Variants in CDH13 observed in about 807,000 individuals in gnomAD.
The protein encoded by CDH13 is cadherin 13.
In CDH13, 24 loss-of-function variants were observed where a neutral mutation model predicts 63.8. That is an observed-to-expected ratio of 0.38 (90% CI 0.27 to 0.53). The LOEUF (loss-of-function observed/expected upper bound fraction) is 0.53. Among genes scored for constraint, CDH13 ranks in the 20% least tolerant of loss-of-function variants. CDH13 has a pLI of 0.85. For missense variants in CDH13, 1,049 were observed against 903.1 expected, an observed-to-expected ratio of 1.16 and a Z score of -2.07; for synonymous variants, 503 against 355.3, an observed-to-expected ratio of 1.42 and a Z score of -4.67.
chr16:83,512,224 G>T (rs1022003790), intron 7 of CDH13, among the ~76,000 whole-genome samples: 16 of 151,238 alleles, frequency 1.1e-4, no homozygotes, highest in Admixed American at 4.0e-4. Flanking sequence ...GGGAGTTTGA[G>T]GCAGGAGAAT....
At chr16:82,757,615 AGC>A (rs2034661824) in intron 1 of CDH13, among the ~76,000 whole-genome samples, 2 of 95,532 alleles carry the variant, frequency 2.1e-5, no homozygotes, top group Admixed American at 1.4e-4. Flanking sequence ...TGCAAATGCA[AGC>A]TTTGGTAATA....
At chr16:83,532,505 C>G (rs1045412743) in intron 7 of CDH13, among the ~76,000 whole-genome samples, 2 of 152,172 alleles carry the variant, frequency 1.3e-5, no homozygotes, top group African/African-American at 2.4e-5. Flanking sequence ...TCCTAGAAGC[C>G]ACATGCGGGC....
intron 2 of CDH13, among the ~76,000 whole-genome samples, chr16:82,978,136 C>G (rs1909776921): frequency 6.6e-6 from 1 of 152,166 alleles, no homozygotes; most frequent in Non-Finnish European, 1.5e-5. Context: ...AATCTCCAAG[C>G]AGCAGAGCCT....
intron 1 of CDH13, among the ~76,000 whole-genome samples, chr16:82,690,213 TG>T (rs1289105581): frequency 7.0e-6 from 1 of 143,474 alleles, no homozygotes; most frequent in African/African-American, 2.6e-5. Flanking sequence ...GGTGGGTGGC[TG>T]GGGTGGGGTT....
chr16:82,724,953 G>C (rs999081201), intron 1 of CDH13, among the ~76,000 whole-genome samples: 3 of 152,198 alleles, frequency 2.0e-5, no homozygotes, highest in African/African-American at 4.8e-5. Context: ...TACTTAAAGG[G>C]TAGTTTTAAA....
chr16:83,208,880 C>A (rs1272433207), intron 4 of CDH13, among the ~76,000 whole-genome samples: 1 of 152,182 alleles, frequency 6.6e-6, no homozygotes, highest in African/African-American at 2.4e-5. Context: ...TAGAAGCTGC[C>A]TTGCCTCACA....
intron 2 of CDH13, among the ~76,000 whole-genome samples, chr16:82,994,598 C>G (rs1912005978): frequency 6.6e-6 from 1 of 152,154 alleles, no homozygotes; most frequent in African/African-American, 2.4e-5. Context: ...ACAAATTGCA[C>G]TTAATAAATA....
At chr16:83,126,958 G>A (rs564828069) in intron 4 of CDH13, among the ~76,000 whole-genome samples, 2 of 152,288 alleles carry the variant, frequency 1.3e-5, no homozygotes, top group South Asian at 4.1e-4. Context: ...CAAATGGCAG[G>A]ATGAAGGAGT....
chr16:82,643,304 C>T (rs757044279), intron 1 of CDH13, among the ~76,000 whole-genome samples: 2 of 152,214 alleles, frequency 1.3e-5, no homozygotes, highest in African/African-American at 4.8e-5. Context: ...TGAGCACACA[C>T]CACCTGTCTT....
intron 3 of CDH13, among the ~76,000 whole-genome samples, chr16:83,071,054 T>C (rs551968080): frequency 2.7e-4 from 41 of 152,176 alleles, no homozygotes; most frequent in Admixed American, 2.2e-3. Context: ...CATTCACAAC[T>C]GAAGGCTCTC....
chr16:83,430,190 C>G (rs979330138), intron 6 of CDH13, among the ~76,000 whole-genome samples: 2 of 152,204 alleles, frequency 1.3e-5, no homozygotes, highest in Non-Finnish European at 2.9e-5. Context: ...CACAGCAGTA[C>G]TCACAACTGG....
chr16:82,994,745 C>G (rs1356876111), intron 2 of CDH13, among the ~76,000 whole-genome samples: 1 of 152,208 alleles, frequency 6.6e-6, no homozygotes, highest in Non-Finnish European at 1.5e-5. Context: ...ACAAACACTT[C>G]TTAGCTGGCT....
chr16:83,232,978 C>A (rs2151805096), intron 5 of CDH13, among the ~76,000 whole-genome samples: 1 of 152,218 alleles, frequency 6.6e-6, no homozygotes, highest in South Asian at 2.1e-4. Context: ...TGTTGTCTGA[C>A]CTAGAGATGA....
intron 11 of CDH13, among the ~76,000 whole-genome samples, chr16:83,769,658 T>C (rs1156360111): frequency 6.6e-6 from 1 of 152,120 alleles, no homozygotes; most frequent in Non-Finnish European, 1.5e-5. Flanking sequence ...AAATAAGTTG[T>C]AAAAGTGGCC....
Position 83,274,608 on chromosome 16 carries a change from C to G in CDH13, c.636+57111C>G, listed in dbSNP as rs1003030608. Among the ~76,000 whole-genome samples the G allele has an allele frequency of 2.6e-5, 4 of 152,116 alleles. 1 individual carries two copies. Among genetic ancestry groups the G allele is most frequent in the Admixed American group, 2.6e-4 (4 of 15,282 alleles). On this transcript the variant is annotated intron_variant, in intron 5 of 13. Transcript: ENST00000567109. ...CCCCCAGAGAAACCCCCACATGCAG[C>G]ACAGAGCCTGATGTGTGAAACTTGC...
intron 2 of CDH13, among the ~76,000 whole-genome samples, chr16:82,970,314 T>C (rs1401953004): frequency 6.6e-6 from 1 of 152,128 alleles, no homozygotes; most frequent in African/African-American, 2.4e-5. Context: ...ACATTTTCTT[T>C]ATCCAGTCTA....
At chr16:83,274,403 C>T (rs139109486) in intron 5 of CDH13, among the ~76,000 whole-genome samples, 1 of 152,250 alleles carries the variant, frequency 6.6e-6, no homozygotes, top group East Asian at 1.9e-4. Context: ...TGGCTCCTAC[C>T]CTGAGTGATC....
At chr16:83,218,454 A>T (rs1235079929) in intron 5 of CDH13, among the ~76,000 whole-genome samples, 1 of 146,620 alleles carries the variant, frequency 6.8e-6, no homozygotes, top group Admixed American at 6.7e-5. Flanking sequence ...ATGAGTCCCA[A>T]CTTATACTCA....
chr16:82,989,690 G>C (rs1045709523), intron 2 of CDH13, among the ~76,000 whole-genome samples: 8 of 152,120 alleles, frequency 5.3e-5, no homozygotes, highest in African/African-American at 1.9e-4. Flanking sequence ...CAAGGTGCAG[G>C]GTATTGCCTG....
Sources: gnomAD v4.1 joint callset for allele counts (sites outside exome capture counted in the v4.1 genomes callset) on GRCh38, gnomAD v4.1.1 for gene constraint, MANE v1.5 for transcripts, NCBI Gene and HGNC (gene_info 2026-07-23, HGNC 2026-07-21) for gene names.